ATP11B: variants seen among roughly 807,000 people sequenced by gnomAD.
ATP11B encodes the protein phospholipid-transporting ATPase IF.
A neutral mutation model predicts 157.8 loss-of-function variants in ATP11B; 81 were observed. The ratio of observed to expected loss-of-function variants is 0.51; its 90% confidence interval spans 0.43 to 0.62. The LOEUF (loss-of-function observed/expected upper bound fraction) is 0.62. Among genes scored for constraint, ATP11B ranks in the 20% least tolerant of loss-of-function variants. The pLI, the probability that ATP11B is intolerant of heterozygous loss-of-function variation, is 0.00. For missense variants in ATP11B, 1,165 were observed against 1,402.2 expected (o/e 0.83, Z 2.70); for synonymous variants, 451 against 469.4 (o/e 0.96, Z 0.51).
chr3:182,861,292 C>G (rs889132394), intron 12 of ATP11B, among the ~76,000 whole-genome samples: 3 of 152,050 alleles, frequency 2.0e-5, no homozygotes. Flanking sequence ...CTCAAACTCC[C>G]GACCTCAGGT....
At chr3:182,879,224 C>G (rs557224180) in intron 19 of ATP11B, among the ~76,000 whole-genome samples, 1 of 152,136 alleles carries the variant, frequency 6.6e-6, no homozygotes, top group Non-Finnish European at 1.5e-5. Context: ...AGCCACTATA[C>G]TCCAGCCTGG....
intron 28 of ATP11B, among the ~76,000 whole-genome samples, chr3:182,912,319 G>A (rs1050460877): frequency 2.6e-5 from 4 of 152,138 alleles, no homozygotes; most frequent in Admixed American, 2.6e-4. Flanking sequence ...AATGAGTGGA[G>A]AATTATGATA....
chr3:182,912,430 T>C (rs1164546505), intron 28 of ATP11B, among the ~76,000 whole-genome samples: 1 of 151,552 alleles, frequency 6.6e-6, no homozygotes, highest in African/African-American at 2.4e-5. Flanking sequence ...TTCCCAAATT[T>C]AATTGAACAC....
At position 182,881,001 on chromosome 3, in the gene ATP11B, A is replaced by T. The variant is rs1310954350; in HGVS notation, c.2509+20A>T. ...GCATAGGTGATTGATTCTTCCTGAA[A>T]AGTTTTTCCTGAACTTTTAAAGTTG... On this transcript the variant is annotated intron_variant, in intron 21 of 29. Coordinates refer to ENST00000323116, the MANE Select transcript of ATP11B (RefSeq NM_014616.3). 6.5e-7 allele frequency: 1 copy of T among 1,544,514 alleles called. No individual in the cohort carries two copies. Among genetic ancestry groups the T allele is most frequent in the Non-Finnish European group, 8.7e-7 (1 of 1,144,532 alleles).
At chr3:182,822,242 A>G (rs931647202) in intron 2 of ATP11B, among the ~76,000 whole-genome samples, 7 of 151,914 alleles carry the variant, frequency 4.6e-5, no homozygotes, top group Admixed American at 2.6e-4. Context: ...TACATTAGGT[A>G]TATCTCCTAA....
At chr3:182,903,046 T>C (rs1314523726) in intron 28 of ATP11B, among the ~76,000 whole-genome samples, 3 of 152,164 alleles carry the variant, frequency 2.0e-5, no homozygotes, top group African/African-American at 7.2e-5. Flanking sequence ...GGCTACTATT[T>C]AGTGCATCTA....
chr3:182,897,096 C>A (rs1281528114), intron 26 of ATP11B, among the ~76,000 whole-genome samples: 1 of 151,968 alleles, frequency 6.6e-6, no homozygotes, highest in Non-Finnish European at 1.5e-5. Context: ...GCTGTTTCCT[C>A]AAAGAAGAAA....
intron 1 of ATP11B, among the ~76,000 whole-genome samples, chr3:182,810,688 A>G (rs2108490626): frequency 6.6e-6 from 1 of 152,216 alleles, no homozygotes; most frequent in East Asian, 1.9e-4. Flanking sequence ...GTTTTTACCT[A>G]TACTTTATCC....
At chr3:182,808,800 C>G (rs1716481251) in intron 1 of ATP11B, among the ~76,000 whole-genome samples, 1 of 151,984 alleles carries the variant, frequency 6.6e-6, no homozygotes, top group Non-Finnish European at 1.5e-5. Flanking sequence ...GATTCCTGTA[C>G]CCTTCTCTCC....
chr3:182,893,968 AT>A (rs1362582474), intron 25 of ATP11B, among the ~76,000 whole-genome samples: 1 of 152,100 alleles, frequency 6.6e-6, no homozygotes, highest in Admixed American at 6.5e-5. Context: ...TTCATTGGTC[AT>A]TTGTATATCT....
At chr3:182,842,742 G>T (rs1001240970) in intron 8 of ATP11B, among the ~76,000 whole-genome samples, 1 of 152,116 alleles carries the variant, frequency 6.6e-6, no homozygotes, top group Non-Finnish European at 1.5e-5. Context: ...AAGGGCTATG[G>T]GAGTTATGAG....
intron 28 of ATP11B, among the ~76,000 whole-genome samples, chr3:182,899,205 G>C (rs1723779034): frequency 6.7e-6 from 1 of 149,002 alleles, no homozygotes; most frequent in Non-Finnish European, 1.5e-5. Context: ...ACCCAGGCTG[G>C]AGTGTAGTGG....
chr3:182,806,385 C>A (rs1224390139), intron 1 of ATP11B, among the ~76,000 whole-genome samples: 1 of 152,120 alleles, frequency 6.6e-6, no homozygotes, highest in African/African-American at 2.4e-5. Flanking sequence ...TGCTTTCAAT[C>A]TGAAGACTAT....
At chr3:182,909,364 C>G (rs1724603065) in intron 28 of ATP11B, among the ~76,000 whole-genome samples, 1 of 152,118 alleles carries the variant, frequency 6.6e-6, no homozygotes, top group Non-Finnish European at 1.5e-5. Context: ...TTCCTGGGAG[C>G]AAGTGTGGTG....
chr3:182,855,471 G>C (rs1720324037), intron 10 of ATP11B, among the ~76,000 whole-genome samples: 1 of 152,112 alleles, frequency 6.6e-6, no homozygotes, highest in Non-Finnish European at 1.5e-5. Flanking sequence ...GTTAGACAAA[G>C]AGCTAGAAGA....
Position 182,918,339 on chromosome 3 carries a change from CTCTT to C in ATP11B, c.*237_*240del, listed in dbSNP as rs1438675882. On this transcript the variant is annotated 3_prime_UTR_variant, in exon 30 of 30. Transcript: ENST00000323116. ...TTGAGAATAAAGAGACATTTTTCAT[CTCTT>C]TGTCTGGTTTGTCCCTTGTGCTTAT... The C allele has an allele frequency of 3.8e-5, 19 of 504,138 alleles. No homozygotes were observed. The highest frequency in any genetic ancestry group is 5.8e-5 in the Non-Finnish European group (18 of 308,846). The allele number at this position is 504,138 out of a possible 1,614,324, so 31.2% of individuals were successfully genotyped here. A position where few individuals can be genotyped will look rare whatever the true frequency, so the allele number is the denominator to read the frequency against.
chr3:182,834,928 G>A (rs967332094), intron 4 of ATP11B, among the ~76,000 whole-genome samples: 11 of 152,160 alleles, frequency 7.2e-5, no homozygotes, highest in African/African-American at 2.7e-4. Flanking sequence ...CACATATTTT[G>A]TGTGTTATAT....
At chr3:182,917,658 G>GT in intron 29 of ATP11B, 9 of 985,254 alleles carry the variant, frequency 9.1e-6, no homozygotes, top group Non-Finnish European at 1.1e-5. Context: ...ATTTGGGTTT[G>GT]TTTTTGTAAA....
At chr3:182,900,443 A>G (rs1000795701) in intron 28 of ATP11B, among the ~76,000 whole-genome samples, 2 of 152,198 alleles carry the variant, frequency 1.3e-5, no homozygotes, top group Non-Finnish European at 2.9e-5. Context: ...GCTCTGTTAT[A>G]CTGATCTCCA....
Sources: allele counts gnomAD v4.1 joint callset (sites outside exome capture counted in the v4.1 genomes callset), GRCh38; gene constraint gnomAD v4.1.1; transcripts MANE v1.5; gene names NCBI Gene and HGNC (gene_info 2026-07-23, HGNC 2026-07-21).